The following SETD7 variants were observed in gnomAD, a reference collection of about 807,000 sequenced individuals.
SETD7 encodes histone-lysine N-methyltransferase SETD7.
In SETD7, 16 loss-of-function variants were observed where a neutral mutation model predicts 41.8. That is an observed-to-expected ratio of 0.38 (90% CI 0.26 to 0.58). The LOEUF is 0.58. SETD7 is among the 20% of genes least tolerant of loss of function. The pLI is 0.64. For missense variants in SETD7, 346 were observed against 459.7 expected, an observed-to-expected ratio of 0.75 and a Z score of 2.26; for synonymous variants, 163 against 169.7, an observed-to-expected ratio of 0.96 and a Z score of 0.31.
At chr4:139,493,981 T>A (rs1416410967), downstream of SETD7, among the ~76,000 whole-genome samples, 1 of 152,224 alleles carries the variant, frequency 6.6e-6, no homozygotes, top group Admixed American at 6.5e-5. Flanking sequence ...CTCCCTTGCC[T>A]GACCTCTCGT....
chr4:139,538,647 A>T (rs1157914360), intron 2 of SETD7, among the ~76,000 whole-genome samples: 1 of 151,352 alleles, frequency 6.6e-6, no homozygotes, highest in African/African-American at 2.5e-5. Context: ...TATACCACGC[A>T]TTTTCCTACC....
intron 2 of SETD7, among the ~76,000 whole-genome samples, chr4:139,546,020 T>C (rs1727932798): frequency 6.6e-6 from 1 of 152,206 alleles, no homozygotes; most frequent in Non-Finnish European, 1.5e-5. Context: ...AAGCTGGGCC[T>C]GGGCAACCCC....
intron 2 of SETD7, among the ~76,000 whole-genome samples, chr4:139,537,464 C>T (rs1470970621): frequency 1.4e-5 from 2 of 139,124 alleles, no homozygotes; most frequent in Non-Finnish European, 3.2e-5. Context: ...TCATCATCCG[C>T]GGGGAACCTT....
chr4:139,502,138 ATC>A (rs1427274933), downstream of SETD7, among the ~76,000 whole-genome samples: 1 of 152,216 alleles, frequency 6.6e-6, no homozygotes, highest in Non-Finnish European at 1.5e-5. Context: ...AATCATTACA[ATC>A]TCTCATTCAT....
intron 2 of SETD7, among the ~76,000 whole-genome samples, chr4:139,543,961 C>T (rs1351205681): frequency 1.9e-5 from 2 of 104,736 alleles, no homozygotes; most frequent in African/African-American, 7.8e-5. Flanking sequence ...AAGACTCCAT[C>T]TCAAACAAAC....
intron 7 of SETD7, among the ~76,000 whole-genome samples, chr4:139,496,873 TAC>T (rs371772681): frequency 1.0e-4 from 15 of 149,590 alleles, no homozygotes; most frequent in African/African-American, 2.0e-4. Flanking sequence ...TGTGTTCCTG[TAC>T]ACACACACAC....
chr4:139,497,154 G>T (rs554642768), intron 7 of SETD7, among the ~76,000 whole-genome samples: 3 of 152,074 alleles, frequency 2.0e-5, no homozygotes, highest in Non-Finnish European at 2.9e-5. Flanking sequence ...CTTGAAATTT[G>T]GGCTCATTTA....
chr4:139,538,564 A>G (rs1010088653), intron 2 of SETD7, among the ~76,000 whole-genome samples: 26 of 152,064 alleles, frequency 1.7e-4, no homozygotes, highest in African/African-American at 5.8e-4. Flanking sequence ...CCTGACCTCA[A>G]GTGATCCACC....
At chr4:139,521,649 C>A (rs1727183433) in intron 5 of SETD7, among the ~76,000 whole-genome samples, 1 of 152,154 alleles carries the variant, frequency 6.6e-6, no homozygotes, top group South Asian at 2.1e-4. Context: ...TGTAGTGCCT[C>A]CCTCAGGGTG....
intron 2 of SETD7, chr4:139,546,695 C>G: frequency 1.7e-6 from 1 of 575,060 alleles, no homozygotes; most frequent in Non-Finnish European, 3.0e-6. Context: ...TTTGGCCAAG[C>G]ACACTCTGGG....
At position 139,527,320 on chromosome 4, in the gene SETD7, G is replaced by C. The variant is rs551517068; in HGVS notation, c.562+1711C>G. 1.4e-4 allele frequency among the ~76,000 whole-genome samples: 21 copies of C among 152,330 alleles called. No homozygotes were observed. In the South Asian group the frequency reaches 3.7e-3, roughly 27 times the overall value. On this transcript the variant is annotated intron_variant, in intron 4 of 7. Coordinates refer to ENST00000274031, the MANE Select transcript of SETD7 (RefSeq NM_030648.4). The stretch of plus-strand genomic sequence containing the variant: ...TGTAATCCCAGCACTATGAGAGTCC[G>C]AGGCAGGAAGATTGCTTGAGGCCAG...
At chr4:139,494,390 A>G (rs1323580177), downstream of SETD7, among the ~76,000 whole-genome samples, 1 of 152,212 alleles carries the variant, frequency 6.6e-6, no homozygotes, top group East Asian at 1.9e-4. Flanking sequence ...TGTCTTCAAT[A>G]TCCAGCATAC....
chr4:139,508,810 C>T lies in SETD7; in HGVS notation c.*2853G>A, dbSNP rs1338103847. 3.3e-5 allele frequency: 5 copies of T among 152,198 alleles called. No homozygotes were observed. The highest frequency in any genetic ancestry group is 3.3e-4 in the Admixed American group (5 of 15,274). 9.4% of individuals were successfully genotyped at this position (152,198 alleles called of 1,614,324 possible). A position where few individuals can be genotyped will look rare whatever the true frequency, so the allele number is the denominator to read the frequency against. On this transcript the variant is annotated 3_prime_UTR_variant, in exon 8 of 8. Transcript: ENST00000274031. The stretch of plus-strand genomic sequence containing the variant: ...CATTCTGAGTATTCTTTTCCACTTG[C>T]GTTTAGGTTCAAACGGGAAACAAAC...
chr4:139,551,681 A>G (rs1310033312), intron 1 of SETD7, among the ~76,000 whole-genome samples: 1 of 151,926 alleles, frequency 6.6e-6, no homozygotes, highest in Non-Finnish European at 1.5e-5. Flanking sequence ...CAGAGACCCT[A>G]CGCACACACT....
At chr4:139,543,745 G>C (rs1480328511) in intron 2 of SETD7, among the ~76,000 whole-genome samples, 1 of 145,848 alleles carries the variant, frequency 6.9e-6, no homozygotes, top group Non-Finnish European at 1.5e-5. Flanking sequence ...GAGGTCAGGA[G>C]ATCAAGACCA....
At chr4:139,543,829 T>A (rs1001530282) in intron 2 of SETD7, among the ~76,000 whole-genome samples, 149 of 142,576 alleles carry the variant, frequency 1.0e-3, no homozygotes, top group Non-Finnish European at 1.7e-3. Flanking sequence ...CCGGGCGTGG[T>A]GGTGGGCGCC....
At chr4:139,538,827 C>G (rs139696978) in intron 2 of SETD7, among the ~76,000 whole-genome samples, 2 of 152,270 alleles carry the variant, frequency 1.3e-5, no homozygotes, top group African/African-American at 4.8e-5. Context: ...GTACCATCAT[C>G]TGAATCAAAC....
At chr4:139,533,079 G>A in intron 3 of SETD7, 86 bp downstream of exon 3, 1 of 1,272,116 alleles carries the variant, frequency 7.9e-7, no homozygotes, top group Admixed American at 1.7e-5. Flanking sequence ...CAGCTCCCAA[G>A]TTCTAACACA....
rs964092957 is a variant in SETD7, at chr4:139,546,756, G to A, written c.170+164C>T. On this transcript the variant is annotated intron_variant, in intron 2 of 7. Coordinates refer to ENST00000274031, the MANE Select transcript of SETD7 (RefSeq NM_030648.4). ...TTAGGCTGGCTGTCCCATAACCACA[G>A]GGTGACTTCCCCAGTCACCAAAGCA... 1.3e-5 allele frequency: 11 copies of A among 876,628 alleles called. No individual in the cohort carries two copies. The African/African-American group carries it at 1.5e-4, about 12-fold the overall frequency. The allele number at this position is 876,628 out of a possible 1,614,324, so 54.3% of individuals were successfully genotyped here. A position where few individuals can be genotyped will look rare whatever the true frequency, so the allele number is the denominator to read the frequency against.
Sources: allele counts gnomAD v4.1 joint callset (sites outside exome capture counted in the v4.1 genomes callset), GRCh38; gene constraint gnomAD v4.1.1; transcripts MANE v1.5; gene names NCBI Gene and HGNC (gene_info 2026-07-23, HGNC 2026-07-21).